The following ADGRL3 variants were observed in gnomAD, a reference collection of about 807,000 sequenced individuals.
ADGRL3 encodes calcium-independent alpha-latrotoxin receptor 3.
A neutral mutation model predicts 153.5 loss-of-function variants in ADGRL3; 62 were observed. The ratio of observed to expected loss-of-function variants is 0.40; its 90% CI spans 0.33 to 0.50. The LOEUF (loss-of-function observed/expected upper bound fraction) is 0.50. ADGRL3 is among the 20% of genes least tolerant of loss of function. The pLI is 0.47. For synonymous variants in ADGRL3, 710 were observed against 672.5 expected (o/e 1.06, Z -0.86); for missense variants, 1,641 against 1,859.4 (o/e 0.88, Z 2.16).
chr4:61,676,498 A>G (rs2150901837), intron 5 of ADGRL3, among the ~76,000 whole-genome samples: 1 of 151,894 alleles, frequency 6.6e-6, no homozygotes, highest in East Asian at 1.9e-4. Flanking sequence ...CTTTCCTATC[A>G]AATAGTCTTT....
At chr4:61,760,721 G>T (rs528068096) in intron 8 of ADGRL3, among the ~76,000 whole-genome samples, 31 of 152,316 alleles carry the variant, frequency 2.0e-4, no homozygotes, top group African/African-American at 7.5e-4. Flanking sequence ...AGTTGGAAAT[G>T]CAGAAATCAC....
chr4:61,429,453 C>A (rs181944362), intron 2 of ADGRL3, among the ~76,000 whole-genome samples: 1 of 152,204 alleles, frequency 6.6e-6, no homozygotes, highest in East Asian at 1.9e-4. Flanking sequence ...TATGTGAATT[C>A]ATGTATTATG....
Position 61,397,032 on chromosome 4 carries a change from A to T in ADGRL3, c.-174+13843A>T, listed in dbSNP as rs193283047. Among the ~76,000 whole-genome samples, 215 of 151,358 alleles carry T rather than the reference A, an allele frequency of 1.4e-3. 1 individual carries two copies. The highest frequency in any genetic ancestry group is 5.0e-3 in the African/African-American group (208 of 41,406). On this transcript the variant is annotated intron_variant, in intron 2 of 26. Transcript: ENST00000683033. ...AGGTTTATATTTTATTAGTTTTCTA[A>T]TATGATAAGTATATATTTATACTAT...
At chr4:61,493,950 T>G (rs1320674106) in intron 2 of ADGRL3, among the ~76,000 whole-genome samples, 1 of 152,230 alleles carries the variant, frequency 6.6e-6, no homozygotes, top group Non-Finnish European at 1.5e-5. Context: ...TGTTATCTGC[T>G]TTATATATTT....
At chr4:62,056,096 A>T (rs1204456868) in intron 25 of ADGRL3, among the ~76,000 whole-genome samples, 1 of 151,708 alleles carries the variant, frequency 6.6e-6, no homozygotes, top group Non-Finnish European at 1.5e-5. Context: ...ATATTTAAAT[A>T]AAACTACCAG....
At chr4:61,256,238 G>C (rs556917602) in intron 1 of ADGRL3, among the ~76,000 whole-genome samples, 16 of 152,134 alleles carry the variant, frequency 1.1e-4, no homozygotes, top group Non-Finnish European at 1.9e-4. Context: ...ATAACAATTG[G>C]TTGTTTAGCT....
chr4:62,023,467 AAAG>A (rs1386800074), intron 21 of ADGRL3, among the ~76,000 whole-genome samples: 17 of 152,298 alleles, frequency 1.1e-4, no homozygotes, highest in African/African-American at 3.8e-4. Context: ...TTCAGTTTTG[AAAG>A]AAGTTCTATT....
intron 19 of ADGRL3, among the ~76,000 whole-genome samples, chr4:61,990,790 T>C (rs1454501530): frequency 6.6e-6 from 1 of 151,874 alleles, no homozygotes. Flanking sequence ...GAGAAACATC[T>C]AGTAGCCACA....
intron 25 of ADGRL3, among the ~76,000 whole-genome samples, chr4:62,056,026 G>A (rs371853869): frequency 1.4e-4 from 21 of 151,588 alleles, no homozygotes; most frequent in East Asian, 1.2e-3. Context: ...ATAAAATTAC[G>A]TTGAAACATT....
At chr4:61,618,436 A>G (rs2092238677) in intron 5 of ADGRL3, among the ~76,000 whole-genome samples, 1 of 152,214 alleles carries the variant, frequency 6.6e-6, no homozygotes, top group Non-Finnish European at 1.5e-5. Context: ...AATTTCTCAC[A>G]TTCACAATTC....
chr4:61,366,459 A>G (rs1197768534), intron 1 of ADGRL3, among the ~76,000 whole-genome samples: 1 of 152,214 alleles, frequency 6.6e-6, no homozygotes, highest in Non-Finnish European at 1.5e-5. Flanking sequence ...ACTACTGTAT[A>G]ATAAAATATA....
Position 61,457,692 on chromosome 4 carries a change from CT to C in ADGRL3, c.-173-39427del, listed in dbSNP as rs544202308. On this transcript the variant is annotated intron_variant, in intron 2 of 26. Transcript: ENST00000683033. Reference sequence around the variant, plus strand: ...CTGAACCAGCAGTTAGGATTCATGCCTTCTGTCTTAAAGTTTGCTACTATGT... The same window carrying C: ...CTGAACCAGCAGTTAGGATTCATGCCTCTGTCTTAAAGTTTGCTACTATGT... Among the ~76,000 whole-genome samples, 257 of 151,934 alleles carry C rather than the reference CT, an allele frequency of 1.7e-3. 2 individuals carry two copies. Among genetic ancestry groups the C allele is most frequent in the Non-Finnish European group, 2.8e-3 (189 of 67,812 alleles).
At chr4:61,448,016 C>T (rs888013838) in intron 2 of ADGRL3, among the ~76,000 whole-genome samples, 3 of 152,102 alleles carry the variant, frequency 2.0e-5, no homozygotes, top group Non-Finnish European at 2.9e-5. Context: ...TCTACATGTC[C>T]TGCCTAGAGC....
At chr4:61,273,729 T>C (rs1158730639) in intron 1 of ADGRL3, among the ~76,000 whole-genome samples, 1 of 152,174 alleles carries the variant, frequency 6.6e-6, no homozygotes, top group Non-Finnish European at 1.5e-5. Flanking sequence ...ATAAAACATT[T>C]GAAGTTTATC....
At chr4:61,642,512 C>T (rs2093730221) in intron 5 of ADGRL3, among the ~76,000 whole-genome samples, 1 of 152,118 alleles carries the variant, frequency 6.6e-6, no homozygotes, top group African/African-American at 2.4e-5. Context: ...ATGTGGCTAG[C>T]CAGTTTTCCC....
intron 1 of ADGRL3, among the ~76,000 whole-genome samples, chr4:61,275,801 G>T (rs536277976): frequency 3.2e-4 from 49 of 152,316 alleles, no homozygotes; most frequent in African/African-American, 1.1e-3. Flanking sequence ...TAAAATAAAA[G>T]TGATGTCTGT....
chr4:61,404,566 TTATTATTGTGGAGGA>T (rs2096969871), intron 2 of ADGRL3, among the ~76,000 whole-genome samples: 1 of 152,112 alleles, frequency 6.6e-6, no homozygotes, highest in Admixed American at 6.6e-5. Context: ...GCTTGAATAC[TTATTATTGTGGAGGA>T]TACCTCAGGT....
chr4:61,418,505 G>A (rs2097169148), intron 2 of ADGRL3, among the ~76,000 whole-genome samples: 1 of 144,090 alleles, frequency 6.9e-6, no homozygotes, highest in Non-Finnish European at 1.5e-5. Flanking sequence ...CTTCAGCATG[G>A]TCTGTGCCTT....
At chr4:61,509,372 C>G (rs1031301641) in intron 3 of ADGRL3, among the ~76,000 whole-genome samples, 2 of 152,086 alleles carry the variant, frequency 1.3e-5, no homozygotes, top group African/African-American at 2.4e-5. Flanking sequence ...GGGTGATCCA[C>G]CCGCCTCAGC....
Sources: gnomAD v4.1 joint callset for allele counts (sites outside exome capture counted in the v4.1 genomes callset) on GRCh38, gnomAD v4.1.1 for gene constraint, MANE v1.5 for transcripts, NCBI Gene and HGNC (gene_info 2026-07-23, HGNC 2026-07-21) for gene names.